AFDN: variants seen among roughly 807,000 people sequenced by gnomAD.
The protein encoded by AFDN is afadin.
A neutral mutation model predicts 216.6 loss-of-function variants in AFDN; 68 were observed. The ratio of observed to expected loss-of-function variants is 0.31; its 90% CI spans 0.26 to 0.38. AFDN has a LOEUF of 0.38. Ranked by LOEUF, AFDN falls within the 10% of genes least tolerant of loss-of-function variation. The pLI is 1.00. For synonymous variants in AFDN, 868 were observed against 853.7 expected, an observed-to-expected ratio of 1.02 and a Z score of -0.29; for missense variants, 2,136 against 2,342.0, an observed-to-expected ratio of 0.91 and a Z score of 1.82.
At chr6:167,963,001 T>G in intron 31 of AFDN, 3 of 1,086,934 alleles carry the variant, frequency 2.8e-6, no homozygotes, top group Non-Finnish European at 3.4e-6. Flanking sequence ...TTCAAATAGA[T>G]GGTTTACTCA....
At position 167,918,807 on chromosome 6, in the gene AFDN, G is replaced by GTGCA; in HGVS notation, c.2783_2786dup (p.Gln929HisfsTer8). 1.2e-6 allele frequency: 2 copies of GTGCA among 1,613,218 alleles called. No individual in the cohort carries two copies. Among genetic ancestry groups the GTGCA allele is most frequent in the Non-Finnish European group, 1.7e-6 (2 of 1,179,424 alleles). ...GCTGGCCCGCAGTGATGGAAGGGAA[G>GTGCA]TGCAGTTGGAGGAGGATCCTGATCT... On this transcript the variant is annotated frameshift_variant, in exon 21 of 34. Transcript: ENST00000683244. LOFTEE classifies it high-confidence loss of function.
intron 23 of AFDN, among the ~76,000 whole-genome samples, chr6:167,941,828 G>A (rs778866820): frequency 4.6e-5 from 7 of 152,100 alleles, no homozygotes; most frequent in African/African-American, 4.8e-5. Context: ...GAGGGATGAC[G>A]AGGTGAACAG....
intron 5 of AFDN, among the ~76,000 whole-genome samples, chr6:167,879,692 A>G (rs1466769029): frequency 2.0e-5 from 3 of 152,232 alleles, no homozygotes; most frequent in African/African-American, 7.2e-5. Context: ...CAGGATATCC[A>G]AATTGCTCTG....
At chr6:167,925,183 C>T in intron 23 of AFDN, 92 bp downstream of exon 23, 2 of 881,742 alleles carry the variant, frequency 2.3e-6, no homozygotes, top group Non-Finnish European at 3.8e-6. Context: ...AGTACTTTAC[C>T]ACCTGTGTAT....
intron 1 of AFDN, among the ~76,000 whole-genome samples, chr6:167,856,565 C>T (rs943974413): frequency 1.3e-5 from 2 of 152,068 alleles, no homozygotes; most frequent in Admixed American, 1.3e-4. Context: ...GTAATTCACT[C>T]TTTTATAGAA....
chr6:167,852,329 C>T (rs1264420672), intron 1 of AFDN, among the ~76,000 whole-genome samples: 2 of 152,184 alleles, frequency 1.3e-5, no homozygotes, highest in Admixed American at 6.5e-5. Flanking sequence ...ATGCCATACA[C>T]TTTGAAAATA....
At position 167,827,184 on chromosome 6, in the gene AFDN, C is replaced by T; in HGVS notation, c.52C>T (p.His18Tyr). 7.7e-7 allele frequency: 1 copy of T among 1,305,546 alleles called. No individual in the cohort carries two copies. The highest frequency in any genetic ancestry group is 1.0e-6 in the Non-Finnish European group (1 of 997,598). 80.9% of individuals were successfully genotyped at this position (1,305,546 alleles called of 1,614,324 possible). The change falls in exon 1 of 34, where the codon CAC (histidine) becomes TAC (tyrosine). Residue 18 changes from histidine to tyrosine, a missense_variant. Around this residue, in one of 8 missense-constraint regions of AFDN, gnomAD observed 81 missense variants for 51.2 expected, o/e 1.58. Coordinates refer to ENST00000683244, the MANE Select transcript of AFDN (RefSeq NM_001386888.1). ...GCGGCGGAAGCTGGCCGACATCATCCACCACTGGAACGCCAACCGGCTGGA... is the reference window on the plus strand; with the variant it reads ...GCGGCGGAAGCTGGCCGACATCATCTACCACTGGAACGCCAACCGGCTGGA... ...EERRKLADII[H>Y]HWNANRLDLF...
chr6:167,885,492 G>A (rs150736442), intron 6 of AFDN, among the ~76,000 whole-genome samples: 306 of 152,266 alleles, frequency 2.0e-3, no homozygotes, highest in Non-Finnish European at 4.0e-3. Context: ...GAATAGGGAG[G>A]GCCAAGGAGA....
At chr6:167,830,923 A>C (rs1401878767) in intron 1 of AFDN, among the ~76,000 whole-genome samples, 1 of 132,616 alleles carries the variant, frequency 7.5e-6, no homozygotes, top group Non-Finnish European at 1.6e-5. Flanking sequence ...CAACTGAACT[A>C]TATTTGAAAC....
chr6:167,945,816 A>G (rs1405060670), intron 26 of AFDN, among the ~76,000 whole-genome samples: 2 of 152,228 alleles, frequency 1.3e-5, no homozygotes, highest in Admixed American at 6.5e-5. Flanking sequence ...GATAAAATCA[A>G]TACAAATTTA....
chr6:167,860,675 C>T (rs544022105), intron 1 of AFDN, among the ~76,000 whole-genome samples: 13 of 152,182 alleles, frequency 8.5e-5, no homozygotes, highest in Non-Finnish European at 1.6e-4. Flanking sequence ...TGAACCTGTT[C>T]ATGTCCTGTT....
chr6:167,882,019 TGAAA>T (rs888979362), intron 6 of AFDN, among the ~76,000 whole-genome samples: 14 of 152,030 alleles, frequency 9.2e-5, no homozygotes, highest in African/African-American at 2.9e-4. Flanking sequence ...AACAGACATT[TGAAA>T]AAAGTACCTT....
At chr6:167,831,468 G>T (rs1779826150) in intron 1 of AFDN, among the ~76,000 whole-genome samples, 1 of 152,172 alleles carries the variant, frequency 6.6e-6, no homozygotes. Flanking sequence ...TTGTAAGTCT[G>T]AGGGACAGCT....
chr6:167,833,904 T>A (rs757306077), intron 1 of AFDN, among the ~76,000 whole-genome samples: 1 of 152,200 alleles, frequency 6.6e-6, no homozygotes, highest in Non-Finnish European at 1.5e-5. Context: ...TTTTAAATAT[T>A]GTTATTATTA....
chr6:167,853,688 G>A (rs1782566744), intron 1 of AFDN, among the ~76,000 whole-genome samples: 1 of 152,050 alleles, frequency 6.6e-6, no homozygotes, highest in Admixed American at 6.6e-5. Flanking sequence ...ACCAAATACA[G>A]GTTGTGTGTT....
At chr6:167,885,010 C>T (rs1447263323) in intron 6 of AFDN, among the ~76,000 whole-genome samples, 1 of 152,010 alleles carries the variant, frequency 6.6e-6, no homozygotes, top group Non-Finnish European at 1.5e-5. Flanking sequence ...GCTGCTTCAC[C>T]TTGCAGTTTT....
chr6:167,954,109 T>C (rs551911839), intron 30 of AFDN, among the ~76,000 whole-genome samples: 1 of 152,374 alleles, frequency 6.6e-6, no homozygotes, highest in South Asian at 2.1e-4. Flanking sequence ...TGAATTGCGA[T>C]ATTTGGAAAG....
chr6:167,858,954 T>G (rs1187294919), intron 1 of AFDN, among the ~76,000 whole-genome samples: 1 of 151,990 alleles, frequency 6.6e-6, no homozygotes, highest in Non-Finnish European at 1.5e-5. Context: ...GAAAACTGGG[T>G]TTCTAGGAGC....
intron 23 of AFDN, among the ~76,000 whole-genome samples, chr6:167,934,962 G>A (rs920788461): frequency 4.6e-5 from 7 of 152,176 alleles, no homozygotes; most frequent in African/African-American, 1.2e-4. Context: ...GCAACTTATA[G>A]GTGCGTGCTT....
Sources: allele counts gnomAD v4.1 joint callset (sites outside exome capture counted in the v4.1 genomes callset), GRCh38; gene constraint gnomAD v4.1.1; regional missense constraint gnomAD v4.1.1; transcripts MANE v1.5; gene names NCBI Gene and HGNC (gene_info 2026-07-23, HGNC 2026-07-21).